The following HK3 variants were observed in gnomAD, a reference collection of about 807,000 sequenced individuals.
The protein encoded by HK3 is hexokinase 3.
A neutral mutation model predicts 91.0 loss-of-function variants in HK3; 93 were observed. The observed-to-expected ratio is 1.02, with a 90% CI of 0.86 to 1.21. The LOEUF is 1.21. HK3 is among the 50% of genes most tolerant of loss of function. The pLI is 0.00. For missense variants in HK3, 1,235 were observed against 1,247.4 expected (o/e 0.99, Z 0.15); for synonymous variants, 519 against 516.9 (o/e 1.00, Z -0.06).
chr5:176,884,992 T>C lies in HK3; in HGVS notation c.1858-858A>G, dbSNP rs947737817. On this transcript the variant is annotated intron_variant, in intron 13 of 18. Coordinates refer to ENST00000292432, the MANE Select transcript of HK3 (RefSeq NM_002115.3). This position sits in a 1 kb window ranked among gnomAD's most constrained non-coding sequence, Gnocchi z 4.1. ...TGTCTCAAAAACAGAAAGCAGAGAATGTGATAGAGTGAGAGAAAGAACCCG... is the reference window on the plus strand; with the variant it reads ...TGTCTCAAAAACAGAAAGCAGAGAACGTGATAGAGTGAGAGAAAGAACCCG... Among the ~76,000 whole-genome samples the C allele has an allele frequency of 1.3e-5, 2 of 152,142 alleles. No individual in the cohort carries two copies. Among genetic ancestry groups the C allele is most frequent in the African/African-American group, 2.4e-5 (1 of 41,424 alleles).
intron 2 of HK3, among the ~76,000 whole-genome samples, chr5:176,893,803 C>A (rs1441197268): frequency 3.3e-5 from 5 of 152,198 alleles, no homozygotes; most frequent in African/African-American, 1.2e-4. Context: ...CCTGGCAGAT[C>A]CTGGTGAGGC....
At chr5:176,892,067 A>T (rs1758792075) in intron 2 of HK3, among the ~76,000 whole-genome samples, 1 of 152,174 alleles carries the variant, frequency 6.6e-6, no homozygotes, top group African/African-American at 2.4e-5. Flanking sequence ...TCAGTCAGTC[A>T]TCCTTCCCAA....
At chr5:176,886,537 G>C (rs1201744219) in intron 13 of HK3, among the ~76,000 whole-genome samples, 1 of 152,046 alleles carries the variant, frequency 6.6e-6, no homozygotes, top group Non-Finnish European at 1.5e-5. Flanking sequence ...AAGCTAAAGT[G>C]TGTGCTGAGT....
Position 176,891,437 on chromosome 5 carries a change from A to G in HK3, c.210T>C (p.Pro70=). 6.2e-7 allele frequency: 1 copy of G among 1,614,042 alleles called. No individual in the cohort carries two copies. Among genetic ancestry groups the G allele is most frequent in the African/African-American group, 1.3e-5 (1 of 75,062 alleles). ...QALRGQASPA[P]AVRMLPTYVG... is the part of the protein sequence containing the mutation. ...CGTATGTAGGCAGCATCCGGACCGC[A>G]GGGGCAGGGCTGGCCTGTCCCCTCA... Residue 70 remains proline, a synonymous_variant, in exon 3 of 19, where the codon CCT becomes CCC. Transcript: ENST00000292432.
intron 15 of HK3, 151 bp from the exon 16 acceptor site, chr5:176,882,278 C>T: frequency 1.2e-6 from 1 of 817,738 alleles, no homozygotes. Flanking sequence ...TTCTTCCTTC[C>T]CGACATCCCT....
In HK3 at chr5:176,881,774, C is replaced by T; in HGVS notation, c.2311G>A (p.Gly771Ser). The change falls in exon 17 of 19, where the codon GGC (glycine) becomes AGC (serine). Residue 771 changes from glycine (G) to serine (S), a missense_variant. This residue lies in a region of HK3 where 513 missense variants were observed against 477.4 expected (regional missense o/e 1.07). Transcript: ENST00000292432. ...RHILLHLTSL[G>S]VLFRGQQIQR... ...ATCTGCTGGCCCCGGAAGAGAACGCCAAGGCTGGTTAAATGTAAAAGGATG... is the reference window on the plus strand; with the variant it reads ...ATCTGCTGGCCCCGGAAGAGAACGCTAAGGCTGGTTAAATGTAAAAGGATG... 6.2e-7 allele frequency: 1 copy of T among 1,614,142 alleles called. No homozygotes were observed. Among genetic ancestry groups the T allele is most frequent in the South Asian group, 1.1e-5 (1 of 91,080 alleles).
chr5:176,882,437 G>A (rs550430838), intron 15 of HK3, among the ~76,000 whole-genome samples: 30 of 152,258 alleles, frequency 2.0e-4, no homozygotes, highest in African/African-American at 5.5e-4. Flanking sequence ...GACATCCCCC[G>A]CCCTCGCCCC....
intron 15 of HK3, among the ~76,000 whole-genome samples, chr5:176,883,500 C>T (rs541610959): frequency 6.6e-6 from 1 of 152,236 alleles, no homozygotes; most frequent in South Asian, 2.1e-4. Context: ...AGTATTTCCA[C>T]CCAAATCTGT....
At chr5:176,885,017 G>A (rs1044752722) in intron 13 of HK3, among the ~76,000 whole-genome samples, 8 of 152,184 alleles carry the variant, frequency 5.3e-5, no homozygotes, top group Non-Finnish European at 8.8e-5. Flanking sequence ...GAAAGAACCC[G>A]TTTGAGAGAG....
At chr5:176,881,667 G>T (rs1326359738) in intron 17 of HK3, 25 bp downstream of exon 17, 1 of 1,613,066 alleles carries the variant, frequency 6.2e-7, no homozygotes. Flanking sequence ...CCTGAAGTGG[G>T]GGAGGCAATG....
chr5:176,884,270 A>G lies in HK3; in HGVS notation c.1858-136T>C. Reference sequence around the variant, plus strand: ...CACAATTCCTTGCCTACTTTGCTGTATGGTTGAAGGCCTTGCCCTCTGCCC... The same window carrying G: ...CACAATTCCTTGCCTACTTTGCTGTGTGGTTGAAGGCCTTGCCCTCTGCCC... On this transcript the variant is annotated intron_variant, in intron 13 of 18. Transcript: ENST00000292432. The surrounding 1 kb of genome is among the most constrained non-coding windows in gnomAD (Gnocchi z 4.1). 2.6e-6 allele frequency: 2 copies of G among 760,898 alleles called. No individual in the cohort carries two copies. Among genetic ancestry groups the G allele is most frequent in the Non-Finnish European group, 2.3e-6 (1 of 442,088 alleles). 47.1% of individuals were successfully genotyped at this position (760,898 alleles called of 1,614,324 possible). A position where few individuals can be genotyped will look rare whatever the true frequency, so the allele number is the denominator to read the frequency against.
At chr5:176,885,709 C>T (rs1016786968) in intron 13 of HK3, among the ~76,000 whole-genome samples, 2 of 151,964 alleles carry the variant, frequency 1.3e-5, no homozygotes, top group Admixed American at 6.6e-5. Context: ...CGTGAGCCAC[C>T]GCGCCCAGCC....
chr5:176,883,716 G>T, intron 15 of HK3, 54 bp downstream of exon 15: 4 of 1,386,762 alleles, frequency 2.9e-6, no homozygotes, highest in Non-Finnish European at 4.1e-6. Context: ...GGAATCAACA[G>T]AAGGCAGCAA....
chr5:176,895,453 G>C (rs746955036), intron 2 of HK3, among the ~76,000 whole-genome samples: 2 of 152,228 alleles, frequency 1.3e-5, no homozygotes, highest in African/African-American at 2.4e-5. Context: ...TTTTACTGAT[G>C]AGGAAACAGA....
At position 176,896,146 on chromosome 5, in the gene HK3, C is replaced by A; in HGVS notation, c.14G>T (p.Gly5Val). The A allele has an allele frequency of 1.2e-6, 2 of 1,607,520 alleles. No homozygotes were observed. The highest frequency in any genetic ancestry group is 2.2e-5 in the South Asian group (2 of 90,104). MDSI[G>V]SSGLRQGEET... Reference sequence around the variant, plus strand: ...TTCCCCCTGCCGCAACCCTGAAGACCCAATGGAGTCCATGAGCTTCCACAG... The same window carrying A: ...TTCCCCCTGCCGCAACCCTGAAGACACAATGGAGTCCATGAGCTTCCACAG... Residue 5 changes from glycine (G) to valine (V), a missense_variant, in exon 2 of 19, where the codon GGG becomes GTG. Physicochemically the swap from Gly to Val is moderately radical, Grantham distance 109. This residue lies in a region of HK3 where 717 missense variants were observed against 751.6 expected (regional missense o/e 0.95). Transcript: ENST00000292432.
At chr5:176,898,060 A>G (rs1172063724) in intron 1 of HK3, among the ~76,000 whole-genome samples, 1 of 151,932 alleles carries the variant, frequency 6.6e-6, no homozygotes, top group African/African-American at 2.4e-5. Context: ...CACCTCCTCT[A>G]TGCAATTGGA....
chr5:176,889,484 T>C lies in HK3; in HGVS notation c.811A>G (p.Ser271Gly). The change falls in exon 8 of 19, where the codon AGC (serine) becomes GGC (glycine). Residue 271 changes from serine (S) to glycine (G), a missense_variant. Coordinates refer to ENST00000292432, the MANE Select transcript of HK3 (RefSeq NM_002115.3). ...LDEDRGRVCV[S>G]VEWGSFSDDG... ...TCGCTGAAGGAGCCCCACTCGACGC[T>C]GACGCAGACGCGGCCCCGGTCTTCG... The C allele has an allele frequency of 6.2e-7, 1 of 1,614,180 alleles. No homozygotes were observed. Among genetic ancestry groups the C allele is most frequent in the Non-Finnish European group, 8.5e-7 (1 of 1,180,038 alleles).
rs1243465917 is a variant in HK3 at position 176,881,034 on chromosome 5, CAA to C, written c.*37_*38del. 6 of 1,555,540 alleles carry C rather than the reference CAA, an allele frequency of 3.9e-6. No individual in the cohort carries two copies. The highest frequency in any genetic ancestry group is 1.4e-5 in the African/African-American group (1 of 72,556). On this transcript the variant is annotated 3_prime_UTR_variant, in exon 19 of 19. Transcript: ENST00000292432. ...CAGGCAGACCCCGACCCGGCTCCAG[CAA>C]GGCTGCGGCGGAGACCTCCTCAGCC...
Position 176,881,715 on chromosome 5 carries a change from G to T in HK3, c.2370C>A (p.Thr790=). 6.2e-7 allele frequency: 1 copy of T among 1,614,144 alleles called. No homozygotes were observed. The highest frequency in any genetic ancestry group is 8.5e-7 in the Non-Finnish European group (1 of 1,180,042). The part of the protein sequence containing the change: ...QRLQTRDIFK[T]KFLSEIESDS... ...ACCTTTCGATCTCAGAGAGGAACTT[G>T]GTCTTGAAGATGTCCCTGGTCTGAA... Residue 790 remains threonine (T), a synonymous_variant, in exon 17 of 19, where the codon ACC becomes ACA. Transcript: ENST00000292432.
Sources: gnomAD v4.1 joint callset for allele counts (sites outside exome capture counted in the v4.1 genomes callset) on GRCh38, gnomAD v4.1.1 for gene constraint, gnomAD v4.1.1 regional missense constraint, Gnocchi (gnomAD v3.1) non-coding constraint, MANE v1.5 for transcripts, NCBI Gene and HGNC (gene_info 2026-07-23, HGNC 2026-07-21) for gene names.